The following CDKAL1 variants were observed in gnomAD, a reference collection of about 807,000 sequenced individuals.
The protein encoded by CDKAL1 is CDKAL1 threonylcarbamoyladenosine tRNA methylthiotransferase.
A neutral mutation model predicts 68.2 loss-of-function variants in CDKAL1; 32 were observed. The ratio of observed to expected loss-of-function variants is 0.47; its 90% confidence interval spans 0.35 to 0.63. The LOEUF (loss-of-function observed/expected upper bound fraction) is 0.63, where lower values mean the gene tolerates loss of function less well. CDKAL1 is among the 30% of genes least tolerant of loss of function. CDKAL1 has a pLI of 0.00. For missense variants in CDKAL1, 606 were observed against 696.7 expected (o/e 0.87, Z 1.47); for synonymous variants, 234 against 244.3 (o/e 0.96, Z 0.39).
intron 13 of CDKAL1, among the ~76,000 whole-genome samples, chr6:21,122,953 A>G (rs1774803703): frequency 6.6e-6 from 1 of 151,940 alleles, no homozygotes; most frequent in Admixed American, 6.6e-5. Context: ...GCTGGATTTA[A>G]TTGCTTTAAA....
intron 8 of CDKAL1, among the ~76,000 whole-genome samples, chr6:20,798,805 C>G (rs1014306697): frequency 1.3e-5 from 2 of 150,062 alleles, no homozygotes; most frequent in African/African-American, 2.5e-5. Flanking sequence ...GGAGATATAT[C>G]TAACGTAAAT....
intron 8 of CDKAL1, among the ~76,000 whole-genome samples, chr6:20,797,160 G>A (rs941656635): frequency 7.2e-5 from 11 of 152,240 alleles, no homozygotes; most frequent in African/African-American, 2.4e-4. Flanking sequence ...AATATATAAG[G>A]AACTTTCAAA....
At chr6:20,790,174 AG>A (rs1488105098) in intron 8 of CDKAL1, among the ~76,000 whole-genome samples, 1 of 152,236 alleles carries the variant, frequency 6.6e-6, no homozygotes, top group Non-Finnish European at 1.5e-5. Context: ...AGAATCCCAT[AG>A]AAAAGCACAA....
intron 9 of CDKAL1, among the ~76,000 whole-genome samples, chr6:20,910,675 A>G (rs1178941897): frequency 1.3e-5 from 2 of 152,210 alleles, no homozygotes; most frequent in African/African-American, 2.4e-5. Flanking sequence ...CCCAAAATAC[A>G]TATTTTGAAA....
intron 11 of CDKAL1, among the ~76,000 whole-genome samples, chr6:21,021,963 A>G (rs1304604307): frequency 6.6e-6 from 1 of 152,190 alleles, no homozygotes; most frequent in African/African-American, 2.4e-5. Flanking sequence ...TCTTAAATAT[A>G]ATTTACCTTT....
At chr6:20,771,784 T>C (rs1459189029) in intron 7 of CDKAL1, among the ~76,000 whole-genome samples, 2 of 152,084 alleles carry the variant, frequency 1.3e-5, no homozygotes, top group East Asian at 3.9e-4. Flanking sequence ...TCTTTTCTTG[T>C]TCCTACTCTC....
intron 5 of CDKAL1, among the ~76,000 whole-genome samples, chr6:20,675,841 G>A (rs28871991): frequency 0.092 from 14,044 of 152,014 alleles, 2,088 homozygotes; most frequent in African/African-American, 0.31. Flanking sequence ...TACTTCAGGA[G>A]GGATTCCAGA....
intron 11 of CDKAL1, among the ~76,000 whole-genome samples, chr6:21,020,582 C>G (rs938230031): frequency 1.3e-5 from 2 of 152,162 alleles, no homozygotes; most frequent in East Asian, 1.9e-4. Context: ...ATTCTCCTGC[C>G]TCAGCCTCCT....
chr6:21,182,682 A>G (rs1777837180), intron 13 of CDKAL1, among the ~76,000 whole-genome samples: 1 of 152,200 alleles, frequency 6.6e-6, no homozygotes, highest in East Asian at 1.9e-4. Flanking sequence ...CAGCTCTCTT[A>G]AAAATAAAGA....
intron 5 of CDKAL1, among the ~76,000 whole-genome samples, chr6:20,729,019 A>C (rs967987982): frequency 5.3e-5 from 8 of 152,206 alleles, no homozygotes; most frequent in African/African-American, 1.9e-4. Context: ...GAAGTGTTAA[A>C]GTAATGAACT....
intron 9 of CDKAL1, among the ~76,000 whole-genome samples, chr6:20,935,772 A>G (rs1029899779): frequency 2.6e-5 from 4 of 152,156 alleles, no homozygotes; most frequent in Non-Finnish European, 5.9e-5. Flanking sequence ...ATCTTGCTAC[A>G]TAGCCCAGGC....
intron 8 of CDKAL1, among the ~76,000 whole-genome samples, chr6:20,805,444 T>G (rs994691078): frequency 6.6e-6 from 1 of 152,238 alleles, no homozygotes; most frequent in Non-Finnish European, 1.5e-5. Context: ...ACTTTATTTT[T>G]TATTAGCAGG....
chr6:20,553,542 C>T (rs1040146841), intron 4 of CDKAL1, among the ~76,000 whole-genome samples: 13 of 152,120 alleles, frequency 8.5e-5, no homozygotes, highest in African/African-American at 2.2e-4. Flanking sequence ...CTTCATAAAG[C>T]GAACTGTCAG....
chr6:20,950,423 G>A (rs1428065994), intron 9 of CDKAL1, among the ~76,000 whole-genome samples: 3 of 152,122 alleles, frequency 2.0e-5, no homozygotes, highest in South Asian at 2.1e-4. Flanking sequence ...TGCACCCAGC[G>A]TAATTTCTGA....
intron 9 of CDKAL1, among the ~76,000 whole-genome samples, chr6:20,922,881 T>C (rs967344545): frequency 2.6e-5 from 4 of 152,236 alleles, no homozygotes; most frequent in Admixed American, 2.6e-4. Flanking sequence ...TTTGAGATGA[T>C]CTATTAAAAT....
intron 9 of CDKAL1, among the ~76,000 whole-genome samples, chr6:20,928,902 C>T (rs1002584965): frequency 5.9e-5 from 9 of 152,046 alleles, no homozygotes; most frequent in Non-Finnish European, 1.0e-4. Flanking sequence ...CTTTTTCATA[C>T]ACAAATCTAT....
intron 5 of CDKAL1, among the ~76,000 whole-genome samples, chr6:20,657,183 G>A (rs892073447): frequency 8.5e-5 from 13 of 152,142 alleles, no homozygotes; most frequent in African/African-American, 2.7e-4. Flanking sequence ...ATGTTAAGTC[G>A]TGCTACACAT....
intron 13 of CDKAL1, among the ~76,000 whole-genome samples, chr6:21,172,521 G>A (rs577594884): frequency 2.0e-5 from 3 of 152,298 alleles, no homozygotes; most frequent in African/African-American, 7.2e-5. Flanking sequence ...AGGCAGAGGC[G>A]GGCAGATCGC....
intron 13 of CDKAL1, among the ~76,000 whole-genome samples, chr6:21,185,520 G>A (rs1001377785): frequency 4.6e-5 from 7 of 152,002 alleles, no homozygotes; most frequent in Non-Finnish European, 7.4e-5. Context: ...CTACAATCTC[G>A]ATTTTCTTTG....
Sources: gnomAD v4.1 joint callset for allele counts (sites outside exome capture counted in the v4.1 genomes callset) on GRCh38, gnomAD v4.1.1 for gene constraint, MANE v1.5 for transcripts, NCBI Gene and HGNC (gene_info 2026-07-23, HGNC 2026-07-21) for gene names.